Variants in EPHX1 observed in about 807,000 individuals in gnomAD.
EPHX1 encodes epoxide hydrolase 1, also known as epoxide hydratase.
In EPHX1, 40 loss-of-function variants were observed where a neutral mutation model predicts 43.2. The ratio of observed to expected loss-of-function variants is 0.93; its 90% CI spans 0.72 to 1.21. EPHX1 has a LOEUF of 1.21. Ranked by LOEUF, EPHX1 falls within the 50% of genes most tolerant of loss-of-function variation. EPHX1 has a pLI of 0.00. For missense variants in EPHX1, 550 were observed against 570.4 expected (o/e 0.96, Z 0.36); for synonymous variants, 221 against 226.7 (o/e 0.98, Z 0.22).
chr1:225,818,235 AT>A (rs1559015985), intron 1 of EPHX1, among the ~76,000 whole-genome samples: 1 of 152,324 alleles, frequency 6.6e-6, no homozygotes, highest in Admixed American at 6.5e-5. Context: ...CATTCAAAGA[AT>A]TTTTAAATTC....
intron 5 of EPHX1, 132 bp from the exon 6 acceptor site, chr1:225,839,697 T>C (rs940856097): frequency 2.2e-5 from 23 of 1,037,876 alleles, no homozygotes; most frequent in African/African-American, 6.3e-5. Flanking sequence ...GCCTCCCCAG[T>C]GGGGCCAGTG....
In EPHX1 at chr1:225,824,268, G is replaced by A. The variant is rs557008084; in HGVS notation, c.-5-4457G>A. On this transcript the variant is annotated intron_variant, in intron 1 of 8. Coordinates refer to ENST00000272167, the MANE Select transcript of EPHX1 (RefSeq NM_001136018.4). ...CCTGGGAGACGTCTGTGCCCTAGGA[G>A]TCCCTTCTGGCCTGAAGACTCAAGG... Among the ~76,000 whole-genome samples, 4 of 152,146 alleles carry A rather than the reference G, an allele frequency of 2.6e-5. No homozygotes were observed. In the South Asian group the frequency reaches 6.2e-4, roughly 24 times the overall value.
At chr1:225,827,290 T>C (rs1667294889) in intron 1 of EPHX1, among the ~76,000 whole-genome samples, 1 of 152,142 alleles carries the variant, frequency 6.6e-6, no homozygotes, top group Admixed American at 6.5e-5. Context: ...GCAGGGGCCT[T>C]GTCAGAACTC....
intron 1 of EPHX1, among the ~76,000 whole-genome samples, chr1:225,819,604 G>C (rs61837997): frequency 6.6e-6 from 1 of 152,174 alleles, no homozygotes; most frequent in Non-Finnish European, 1.5e-5. Flanking sequence ...CGGAGTGAAG[G>C]AGAGGGGTTT....
chr1:225,845,543 A>G lies in EPHX1; in HGVS notation c.*196A>G. Reference sequence around the variant, plus strand: ...TGTGGTAAGCAACATGGCTTTGATGATAAACGACTTTACTCTAAAAGCGGC... The same window carrying G: ...TGTGGTAAGCAACATGGCTTTGATGGTAAACGACTTTACTCTAAAAGCGGC... On this transcript the variant is annotated 3_prime_UTR_variant, in exon 9 of 9. Transcript: ENST00000272167. 1 of 625,146 alleles carries G rather than the reference A, an allele frequency of 1.6e-6. No individual in the cohort carries two copies. 38.7% of individuals were successfully genotyped at this position (625,146 alleles called of 1,614,324 possible). A position where few individuals can be genotyped will look rare whatever the true frequency, so the allele number is the denominator to read the frequency against.
At chr1:225,825,758 CT>C (rs941914246) in intron 1 of EPHX1, among the ~76,000 whole-genome samples, 47 of 152,354 alleles carry the variant, frequency 3.1e-4, no homozygotes, top group Admixed American at 3.3e-4. Flanking sequence ...ACAGCCCTGC[CT>C]TCCCAAGCTA....
At chr1:225,829,245 T>A (rs947024366) in intron 2 of EPHX1, among the ~76,000 whole-genome samples, 38 of 152,080 alleles carry the variant, frequency 2.5e-4, no homozygotes, top group African/African-American at 8.9e-4. Context: ...AGTGAGGTTG[T>A]GGGAGAAAGT....
Position 225,839,236 on chromosome 1 carries a change from C to T in EPHX1, c.612C>T (p.Thr204=), listed in dbSNP as rs767567902. ...TGCCAGGGTTCAACTCGGTGGCCACCGCCAGGATCTTTTACAAGCTGATGC... is the reference window on the plus strand; with the variant it reads ...TGCCAGGGTTCAACTCGGTGGCCACTGCCAGGATCTTTTACAAGCTGATGC... ...SSKKGFNSVA[T]ARIFYKLMLR... is the part of the protein sequence containing the mutation. The change falls in exon 5 of 9, where the codon ACC becomes ACT. Residue 204 remains threonine (T), a synonymous_variant. Transcript: ENST00000272167. 4.9e-5 allele frequency: 79 copies of T among 1,613,990 alleles called. 2 individuals carry two copies. In the South Asian group the frequency reaches 7.1e-4, roughly 15 times the overall value.
Position 225,839,883 on chromosome 1 carries a change from CCT to C in EPHX1, c.778_779del (p.Leu260AspfsTer16). The C allele has an allele frequency of 1.9e-6, 3 of 1,614,220 alleles. No individual in the cohort carries two copies. Among genetic ancestry groups the C allele is most frequent in the Non-Finnish European group, 2.5e-6 (3 of 1,180,034 alleles). The part of the protein sequence containing the change: ...MALVLSNFST[L>X]TLLLGQRFGR... ...CTTTGGTTTTAAGCAACTTCTCTAC[CCT>C]GACCCTCCTCCTGGGACAGCGTTTC... On this transcript the variant is annotated frameshift_variant, in exon 6 of 9. Coordinates refer to ENST00000272167, the MANE Select transcript of EPHX1 (RefSeq NM_001136018.4). LOFTEE classifies it high-confidence loss of function.
At position 225,828,896 on chromosome 1, in the gene EPHX1, C is replaced by T; in HGVS notation, c.167C>T (p.Ser56Leu). 6.3e-7 allele frequency: 1 copy of T among 1,581,548 alleles called. No individual in the cohort carries two copies. The highest frequency in any genetic ancestry group is 8.6e-7 in the Non-Finnish European group (1 of 1,161,400). The change falls in exon 2 of 9, where the codon TCA becomes TTA. Residue 56 changes from serine (S) to leucine (L), a missense_variant. Transcript: ENST00000272167. Reference protein sequence around the residue: ...DSIRPFKVETSDEEIHDLHQR... With the variant: ...DSIRPFKVETLDEEIHDLHQR... ...ATCCGCCCTTTCAAGGTGGAAACGTCAGATGAGGAGATCCACGTAAGGCAC... is the reference window on the plus strand; with the variant it reads ...ATCCGCCCTTTCAAGGTGGAAACGTTAGATGAGGAGATCCACGTAAGGCAC...
rs747037055 is a variant in EPHX1 at position 225,845,290 on chromosome 1, G to A, written c.1311G>A (p.Glu437=). The A allele has an allele frequency of 1.9e-6, 3 of 1,612,982 alleles. No homozygotes were observed. The highest frequency in any genetic ancestry group is 2.5e-6 in the Non-Finnish European group (3 of 1,180,014). Residue 437 remains glutamate, a synonymous_variant, in exon 9 of 9, where the codon GAG becomes GAA. Transcript: ENST00000272167. ...GGGGCCACTTTGCGGCCTTTGAGGA[G>A]CCGGAGCTGCTCGCCCAGGACATCC... The part of the protein sequence containing the change: ...VRGGHFAAFE[E]PELLAQDIRK...
At chr1:225,813,360 CAG>C (rs967472837) in intron 1 of EPHX1, among the ~76,000 whole-genome samples, 13 of 152,160 alleles carry the variant, frequency 8.5e-5, no homozygotes, top group Admixed American at 1.3e-4. Flanking sequence ...GGCTTAGGAG[CAG>C]AGTCTCCAAG....
intron 1 of EPHX1, among the ~76,000 whole-genome samples, chr1:225,826,926 C>G (rs1278828629): frequency 6.6e-6 from 1 of 151,988 alleles, no homozygotes; most frequent in African/African-American, 2.4e-5. Context: ...ACTGGGATCA[C>G]TGATAGAAAC....
At chr1:225,832,117 T>C (rs558978874) in intron 3 of EPHX1, 158 bp downstream of exon 3, 7 of 777,128 alleles carry the variant, frequency 9.0e-6, no homozygotes, top group Middle Eastern at 3.1e-4. Context: ...AATGCAAAAA[T>C]ATTGCAGTCA....
In EPHX1 at chr1:225,833,824, G is replaced by A. The variant is rs1217677765; in HGVS notation, c.364+1865G>A. ...AAAAAAAAAAAAAAACAGGCTGGGC[G>A]CCGTGGCTCACGCCTGTAATCCCAG... On this transcript the variant is annotated intron_variant, in intron 3 of 8. Coordinates refer to ENST00000272167, the MANE Select transcript of EPHX1 (RefSeq NM_001136018.4). Among the ~76,000 whole-genome samples, 23 of 140,548 alleles carry A rather than the reference G, an allele frequency of 1.6e-4. No homozygotes were observed. The East Asian group carries it at 1.9e-3, about 12-fold the overall frequency. The allele number at this position is 140,548 out of a possible 152,430, so 92.2% of individuals were successfully genotyped here. A position where few individuals can be genotyped will look rare whatever the true frequency, so the allele number is the denominator to read the frequency against.
At chr1:225,830,004 G>A (rs1460684706) in intron 2 of EPHX1, among the ~76,000 whole-genome samples, 1 of 152,142 alleles carries the variant, frequency 6.6e-6, no homozygotes, top group African/African-American at 2.4e-5. Context: ...CTTGAACCCA[G>A]GAGGCAGAGG....
chr1:225,843,254 G>A (rs1668585029), intron 7 of EPHX1, among the ~76,000 whole-genome samples: 1 of 152,210 alleles, frequency 6.6e-6, no homozygotes. Flanking sequence ...CCAGGAGAAT[G>A]TATCTGATTT....
chr1:225,845,412 G>T lies in EPHX1; in HGVS notation c.*65G>T. 1 of 1,500,628 alleles carries T rather than the reference G, an allele frequency of 6.7e-7. No homozygotes were observed. The highest frequency in any genetic ancestry group is 9.0e-7 in the Non-Finnish European group (1 of 1,116,650). 93.0% of individuals were successfully genotyped at this position (1,500,628 alleles called of 1,614,324 possible). On this transcript the variant is annotated 3_prime_UTR_variant, in exon 9 of 9. Transcript: ENST00000272167. ...TGCCCTCCAGGCTTTTCTTGGGGAA[G>T]ATACCCCTTTTCTGAGGAATGAGTT... is the stretch of plus-strand genomic sequence containing the variant.
At chr1:225,836,982 T>C (rs1668003021) in intron 3 of EPHX1, among the ~76,000 whole-genome samples, 1 of 152,270 alleles carries the variant, frequency 6.6e-6, no homozygotes, top group African/African-American at 2.4e-5. Flanking sequence ...ATGGACTTTA[T>C]AGTTAATAAT....
Sources: allele counts gnomAD v4.1 joint callset (sites outside exome capture counted in the v4.1 genomes callset), GRCh38; gene constraint gnomAD v4.1.1; transcripts MANE v1.5; gene names NCBI Gene and HGNC (gene_info 2026-07-23, HGNC 2026-07-21).